Variants in WDR89 observed in about 807,000 individuals in gnomAD.
WDR89 encodes the protein WD repeat-containing protein 89.
In WDR89, 17 loss-of-function variants were observed where a neutral mutation model predicts 29.1. The observed-to-expected ratio is 0.58, with a 90% CI of 0.40 to 0.88. WDR89 has a LOEUF of 0.88. Among genes scored for constraint, WDR89 ranks in the 40% least tolerant of loss-of-function variants. The pLI is 0.00. For missense variants in WDR89, 396 were observed against 456.3 expected (o/e 0.87, Z 1.20); for synonymous variants, 138 against 157.8 (o/e 0.87, Z 0.94).
intron 2 of WDR89, among the ~76,000 whole-genome samples, chr14:63,620,897 CAA>C (rs539451063): frequency 2.2e-4 from 18 of 82,902 alleles, no homozygotes; most frequent in East Asian, 3.2e-4. Context: ...GACTCCATCT[CAA>C]AAAAAAAAAA....
At chr14:63,628,639 T>A (rs1007836361) in intron 1 of WDR89, among the ~76,000 whole-genome samples, 43 of 152,116 alleles carry the variant, frequency 2.8e-4, no homozygotes, top group African/African-American at 1.0e-3. Flanking sequence ...AGCAATTTGA[T>A]GTCAACCTTA....
intron 2 of WDR89, among the ~76,000 whole-genome samples, 167 bp from the exon 3 acceptor site, chr14:63,600,140 T>A (rs987164863): frequency 6.6e-6 from 1 of 152,226 alleles, no homozygotes; most frequent in Non-Finnish European, 1.5e-5. Flanking sequence ...AATACTATAA[T>A]CATTTCCTTC....
Position 63,598,942 on chromosome 14 carries a change from T to A in WDR89, c.1001A>T (p.Asp334Val). 6.2e-7 allele frequency: 1 copy of A among 1,614,174 alleles called. No individual in the cohort carries two copies. Among genetic ancestry groups the A allele is most frequent in the Non-Finnish European group, 8.5e-7 (1 of 1,180,026 alleles). ...ATCTTCTCCTCCAGTCAACAAAGAA[T>A]CATCTTGCACATTCCAACAGAAAGA... Reference protein sequence around the residue: ...VRSFCWNVQDDSLLTGGEDAQ... With the variant: ...VRSFCWNVQDVSLLTGGEDAQ... Residue 334 changes from aspartate to valine, a missense_variant, in exon 3 of 3, where the codon GAT (aspartate) becomes GTT (valine). By Grantham distance (152) the Asp-to-Val change is radical. Transcript: ENST00000620954.
At chr14:63,629,320 A>T (rs149646241) in intron 1 of WDR89, among the ~76,000 whole-genome samples, 446 of 152,304 alleles carry the variant, frequency 2.9e-3, no homozygotes, top group African/African-American at 0.01. Context: ...TCCAAACTTC[A>T]TCTCTTTATT....
intron 1 of WDR89, among the ~76,000 whole-genome samples, chr14:63,631,213 G>A (rs1009343361): frequency 2.0e-5 from 3 of 152,092 alleles, no homozygotes; most frequent in Non-Finnish European, 4.4e-5. Context: ...CTATATCCCA[G>A]AAATATGTAC....
rs1030881253 is a variant in WDR89 at position 63,597,334 on chromosome 14, G to A, written c.*1445C>T. 6.6e-6 allele frequency: 1 copy of A among 152,194 alleles called. No homozygotes were observed. The highest frequency in any genetic ancestry group is 2.4e-5 in the African/African-American group (1 of 41,458). The allele number at this position is 152,194 out of a possible 1,614,324, so 9.4% of individuals were successfully genotyped here. ...GATTATGGGGATTACAATTCGAGAT[G>A]AAATTTGGGTGAGGACACAGACAAA... On this transcript the variant is annotated 3_prime_UTR_variant, in exon 3 of 3. Coordinates refer to ENST00000620954, the MANE Select transcript of WDR89 (RefSeq NM_080666.4).
rs1358038416 is a variant in WDR89 at position 63,599,000 on chromosome 14, T to C, written c.943A>G (p.Ser315Gly). Residue 315 changes from serine (S) to glycine (G), a missense_variant, in exon 3 of 3, where the codon AGC (serine) becomes GGC (glycine). Coordinates refer to ENST00000620954, the MANE Select transcript of WDR89 (RefSeq NM_080666.4). Reference sequence around the variant, plus strand: ...GTAGCAGCATGCCCTCCCTGAAGGCTAGTCACATGGGTCAGTCCTGACATG... The same window carrying C: ...GTAGCAGCATGCCCTCCCTGAAGGCCAGTCACATGGGTCAGTCCTGACATG... ...CSMSGLTHVT[S>G]LQGGHAATVR... 1 of 1,614,118 alleles carries C rather than the reference T, an allele frequency of 6.2e-7. No individual in the cohort carries two copies. Among genetic ancestry groups the C allele is most frequent in the Non-Finnish European group, 8.5e-7 (1 of 1,180,032 alleles).
At chr14:63,619,415 T>A (rs925245449) in intron 2 of WDR89, among the ~76,000 whole-genome samples, 2 of 152,068 alleles carry the variant, frequency 1.3e-5, no homozygotes, top group South Asian at 4.1e-4. Flanking sequence ...CTATACATGA[T>A]GTACAGAATG....
chr14:63,639,443 GA>G lies in WDR89; in HGVS notation c.-138+2360del, dbSNP rs567624916. 9.3e-3 allele frequency among the ~76,000 whole-genome samples: 1,238 copies of G among 132,536 alleles called. 15 individuals are homozygous for G. Among genetic ancestry groups the G allele is most frequent in the South Asian group, 0.034 (142 of 4,150 alleles). The allele number at this position is 132,536 out of a possible 152,430, so 86.9% of individuals were successfully genotyped here. ...CTTAAGTGTGTACTTTTCACCAAAG[GA>G]AAAAAAAAAAAGAAAGAAACAAAGG... is the stretch of plus-strand genomic sequence containing the variant. On this transcript the variant is annotated intron_variant, in intron 1 of 2. Transcript: ENST00000620954.
chr14:63,600,733 A>C (rs1247544866), intron 2 of WDR89, among the ~76,000 whole-genome samples: 1 of 113,726 alleles, frequency 8.8e-6, no homozygotes, highest in African/African-American at 6.0e-5. Flanking sequence ...AAAAAAAAAA[A>C]AAAAAAAAAA....
chr14:63,610,461 G>A (rs1881891922), intron 2 of WDR89, among the ~76,000 whole-genome samples: 1 of 151,954 alleles, frequency 6.6e-6, no homozygotes, highest in Non-Finnish European at 1.5e-5. Flanking sequence ...GAATAGAGAA[G>A]AATAGAGTAC....
At chr14:63,604,275 A>G (rs1201490509) in intron 2 of WDR89, among the ~76,000 whole-genome samples, 1 of 152,022 alleles carries the variant, frequency 6.6e-6, no homozygotes, top group Non-Finnish European at 1.5e-5. Context: ...AAAATGCAAA[A>G]ATGAGGCAGG....
At position 63,601,843 on chromosome 14, in the gene WDR89, A is replaced by G. The variant is rs532349930; in HGVS notation, c.-31-1870T>C. The G allele has an allele frequency of 1.3e-5, 11 of 834,386 alleles. 1 individual carries two copies. In the African/African-American group the frequency reaches 1.5e-4, roughly 11 times the overall value. 51.7% of individuals were successfully genotyped at this position (834,386 alleles called of 1,614,324 possible). A position where few individuals can be genotyped will look rare whatever the true frequency, so the allele number is the denominator to read the frequency against. The stretch of plus-strand genomic sequence containing the variant: ...AAGTCACTATTGAAATGGCATCAAC[A>G]TGAAGCTGCCCATTCCACCGAAGTT... On this transcript the variant is annotated intron_variant, in intron 2 of 2. Coordinates refer to ENST00000620954, the MANE Select transcript of WDR89 (RefSeq NM_080666.4).
chr14:63,601,140 G>A (rs910305129), intron 2 of WDR89, among the ~76,000 whole-genome samples: 9 of 152,064 alleles, frequency 5.9e-5, no homozygotes, highest in Non-Finnish European at 1.0e-4. Flanking sequence ...TTAGCCCAGT[G>A]ACATCCATTT....
At chr14:63,634,888 A>T (rs1566802098) in intron 1 of WDR89, among the ~76,000 whole-genome samples, 2 of 148,252 alleles carry the variant, frequency 1.3e-5, no homozygotes, top group Non-Finnish European at 3.0e-5. Flanking sequence ...AAAAAAAAAA[A>T]TTAGCTGGGC....
chr14:63,605,211 TACACACACACACAC>T (rs200461481), intron 2 of WDR89, among the ~76,000 whole-genome samples: 2 of 102,430 alleles, frequency 2.0e-5, no homozygotes, highest in Admixed American at 2.2e-4. Context: ...TACATACACA[TACACACACACACAC>T]ACACACACAC....
intron 2 of WDR89, among the ~76,000 whole-genome samples, chr14:63,613,019 C>CAAA (rs1882084954): frequency 1.3e-5 from 2 of 152,090 alleles, no homozygotes; most frequent in African/African-American, 4.8e-5. Flanking sequence ...TTAGTTTTTG[C>CAAA]CAGTGGAAGC....
At chr14:63,607,893 A>AG (rs1275734551) in intron 2 of WDR89, among the ~76,000 whole-genome samples, 2 of 150,614 alleles carry the variant, frequency 1.3e-5, no homozygotes, top group African/African-American at 2.5e-5. Flanking sequence ...AAAAAAAAAA[A>AG]AAAAGAAAAG....
rs377187176 is a variant in WDR89 at position 63,610,975 on chromosome 14, T to C, written c.-31-11002A>G. On this transcript the variant is annotated intron_variant, in intron 2 of 2. Transcript: ENST00000620954. ...TTGGCCTCCCAAAGTGCTGGGGTTA[T>C]AGGCATGAGCCACTGTGCCTGGCTA... is the stretch of plus-strand genomic sequence containing the variant. Among the ~76,000 whole-genome samples, 10 of 152,120 alleles carry C rather than the reference T, an allele frequency of 6.6e-5. No homozygotes were observed. In the East Asian group the frequency reaches 9.7e-4, roughly 15 times the overall value.
Sources: allele counts gnomAD v4.1 joint callset (sites outside exome capture counted in the v4.1 genomes callset), GRCh38; gene constraint gnomAD v4.1.1; transcripts MANE v1.5; gene names NCBI Gene and HGNC (gene_info 2026-07-23, HGNC 2026-07-21).